Variants in LCORL observed in about 807,000 individuals in gnomAD.
LCORL encodes ligand dependent nuclear receptor corepressor like.
LCORL carries 41 observed loss-of-function variants against 141.8 expected under a neutral mutation model. The ratio of observed to expected loss-of-function variants is 0.29; its 90% CI spans 0.23 to 0.38. LCORL has a LOEUF of 0.38. Ranked by LOEUF, LCORL falls within the 10% of genes least tolerant of loss-of-function variation. The pLI, the probability that LCORL is intolerant of heterozygous loss-of-function variation, is 1.00. For missense variants in LCORL, 1,759 were observed against 2,035.0 expected, an observed-to-expected ratio of 0.86 and a Z score of 2.61; for synonymous variants, 618 against 694.1, an observed-to-expected ratio of 0.89 and a Z score of 1.72.
At chr4:17,979,972 G>A (rs1717670124) in intron 1 of LCORL, among the ~76,000 whole-genome samples, 2 of 152,186 alleles carry the variant, frequency 1.3e-5, no homozygotes, top group Non-Finnish European at 2.9e-5. Context: ...GGAAATAAAA[G>A]AAGACCTCAT....
At chr4:17,890,364 T>C (rs114251010) in intron 5 of LCORL, among the ~76,000 whole-genome samples, 10 of 152,176 alleles carry the variant, frequency 6.6e-5, no homozygotes, top group Admixed American at 1.3e-4. Context: ...ACTATTTTGT[T>C]TACAGATACA....
chr4:17,976,010 T>C (rs548314430), intron 1 of LCORL, among the ~76,000 whole-genome samples: 13 of 152,332 alleles, frequency 8.5e-5, no homozygotes, highest in South Asian at 2.1e-4. Context: ...CCTTTGTGAA[T>C]TGATATCATC....
intron 1 of LCORL, among the ~76,000 whole-genome samples, chr4:17,979,707 T>A (rs544979105): frequency 6.6e-6 from 1 of 152,260 alleles, no homozygotes; most frequent in African/African-American, 2.4e-5. Context: ...AAGATCAAAT[T>A]CCCTAAGGCC....
chr4:17,865,193 T>C (rs1303617078), intron 7 of LCORL, among the ~76,000 whole-genome samples: 1 of 152,216 alleles, frequency 6.6e-6, no homozygotes, highest in African/African-American at 2.4e-5. Flanking sequence ...CAGTAGAATA[T>C]ACATTATTTT....
rs201890118 is a variant in LCORL at position 17,854,684 on chromosome 4, T to TA, written c.5603-8784dup. ...TAAGTTTAGACTGCAATTGCTTTTTTAAAAAAAAACAAAAACAAAAAACTT... is the reference window on the plus strand; with the variant it reads ...TAAGTTTAGACTGCAATTGCTTTTTTAAAAAAAAAACAAAAACAAAAAACTT... On this transcript the variant is annotated intron_variant, in intron 7 of 7. Transcript: ENST00000635767. Among the ~76,000 whole-genome samples, 1,227 of 150,902 alleles carry TA rather than the reference T, an allele frequency of 8.1e-3. 18 individuals are homozygous for TA. Among genetic ancestry groups the TA allele is most frequent in the East Asian group, 0.06 (308 of 5,150 alleles).
intron 4 of LCORL, among the ~76,000 whole-genome samples, chr4:17,932,045 C>A (rs1577459713): frequency 6.6e-6 from 1 of 152,142 alleles, no homozygotes; most frequent in South Asian, 2.1e-4. Context: ...GTAGCCCTTT[C>A]CGCCGCTAAT....
At chr4:17,924,213 T>C (rs1218632593) in intron 4 of LCORL, among the ~76,000 whole-genome samples, 1 of 152,182 alleles carries the variant, frequency 6.6e-6, no homozygotes, top group African/African-American at 2.4e-5. Flanking sequence ...TGCTCACCAA[T>C]GGGTGACCTC....
intron 7 of LCORL, among the ~76,000 whole-genome samples, chr4:17,848,732 CCTCA>C (rs1474838724): frequency 6.6e-6 from 1 of 152,216 alleles, no homozygotes; most frequent in African/African-American, 2.4e-5. Flanking sequence ...CGAGGCATTG[CCTCA>C]CTCGGGAAGC....
chr4:17,980,245 G>A (rs1192906351), intron 1 of LCORL, among the ~76,000 whole-genome samples: 1 of 152,150 alleles, frequency 6.6e-6, no homozygotes, highest in East Asian at 1.9e-4. Flanking sequence ...TTGACTCAGG[G>A]TACAGATCTA....
chr4:17,909,169 T>C, exon 5 of LCORL: 1 of 1,613,384 alleles, frequency 6.2e-7, no homozygotes, highest in Non-Finnish European at 8.5e-7. Flanking sequence ...TGAAGGGAGT[T>C]TTCTGCTTGA....
chr4:17,900,825 G>T (rs1730743035), intron 5 of LCORL, among the ~76,000 whole-genome samples: 1 of 152,156 alleles, frequency 6.6e-6, no homozygotes, highest in South Asian at 2.1e-4. Flanking sequence ...AATGGATTTT[G>T]ACAGGAAATA....
Position 18,021,704 on chromosome 4 carries a change from GGCAGCA to G in LCORL, c.42_47del (p.Ala21_Ala22del). 2.2e-5 allele frequency: 33 copies of G among 1,525,088 alleles called. No homozygotes were observed. The highest frequency in any genetic ancestry group is 2.6e-5 in the Non-Finnish European group (29 of 1,136,954). 94.5% of individuals were successfully genotyped at this position (1,525,088 alleles called of 1,614,324 possible). The stretch of plus-strand genomic sequence containing the variant: ...GGCACTGAGCGGCGGCGGCGGCGGC[GGCAGCA>G]GCGGCGGCGGCAGCGGCCATTCTCT... On this transcript the variant is annotated inframe_deletion, in exon 1 of 8. Coordinates refer to ENST00000635767, the Ensembl canonical transcript of LCORL. This position sits in a 1 kb window ranked among gnomAD's most constrained non-coding sequence, Gnocchi z 5.5.
At position 17,886,304 on chromosome 4, in the gene LCORL, G is replaced by A; in HGVS notation, c.683-143C>T. The A allele has an allele frequency of 6.9e-6, 4 of 575,556 alleles. No individual in the cohort carries two copies. The East Asian group carries it at 9.3e-5, about 13-fold the overall frequency. 35.7% of individuals were successfully genotyped at this position (575,556 alleles called of 1,614,324 possible). The stretch of plus-strand genomic sequence containing the variant: ...TACCTATTCATCTTAAACGGGTTTA[G>A]GAACAGGATATGACTGGGAAGGCAC... On this transcript the variant is annotated intron_variant, in intron 5 of 7. Transcript: ENST00000635767.
chr4:18,013,513 C>T, intron 1 of LCORL, among the ~76,000 whole-genome samples: 1 of 152,116 alleles, frequency 6.6e-6, no homozygotes, highest in East Asian at 1.9e-4. Context: ...CAGATATTAT[C>T]CCAGTTTCAT....
At chr4:17,872,612 GATGTA>G (rs1469445769) in intron 7 of LCORL, among the ~76,000 whole-genome samples, 2 of 152,064 alleles carry the variant, frequency 1.3e-5, no homozygotes, top group Non-Finnish European at 2.9e-5. Context: ...CTGAGTAAAG[GATGTA>G]ATTGTTTGCT....
intron 4 of LCORL, among the ~76,000 whole-genome samples, chr4:17,941,367 G>T (rs1002055760): frequency 6.6e-6 from 1 of 151,988 alleles, no homozygotes; most frequent in Non-Finnish European, 1.5e-5. Flanking sequence ...GCTGAGGCAG[G>T]AGAATGGTGT....
chr4:17,905,265 G>C (rs562312212), intron 5 of LCORL, among the ~76,000 whole-genome samples: 1 of 151,906 alleles, frequency 6.6e-6, no homozygotes, highest in African/African-American at 2.4e-5. Flanking sequence ...ATTATTCTTT[G>C]TTTGATATTT....
chr4:17,938,308 T>C (rs1435436879), intron 4 of LCORL, among the ~76,000 whole-genome samples: 1 of 151,960 alleles, frequency 6.6e-6, no homozygotes, highest in Admixed American at 6.6e-5. Context: ...CGCACAGCCA[T>C]AAATTTAAAC....
chr4:17,958,868 G>A (rs560313727), intron 4 of LCORL, among the ~76,000 whole-genome samples: 24 of 152,062 alleles, frequency 1.6e-4, no homozygotes, highest in African/African-American at 5.8e-4. Context: ...TTATTATGGA[G>A]ATTTTCATTC....
Sources: allele counts gnomAD v4.1 joint callset (sites outside exome capture counted in the v4.1 genomes callset), GRCh38; gene constraint gnomAD v4.1.1; non-coding constraint Gnocchi (gnomAD v3.1); transcripts MANE v1.5; gene names NCBI Gene and HGNC (gene_info 2026-07-23, HGNC 2026-07-21).